The following ANKFN1 variants were observed in gnomAD, a reference collection of about 807,000 sequenced individuals.
The protein encoded by ANKFN1 is ankyrin repeat and fibronectin type III domain containing 1.
A neutral mutation model predicts 108.7 loss-of-function variants in ANKFN1; 74 were observed. That is an observed-to-expected ratio of 0.68 (90% CI 0.56 to 0.83). The LOEUF is 0.83. ANKFN1 is among the 40% of genes least tolerant of loss of function. ANKFN1 has a pLI of 0.00. For synonymous variants in ANKFN1, 547 were observed against 516.2 expected, an observed-to-expected ratio of 1.06 and a Z score of -0.81; for missense variants, 1,505 against 1,382.3, an observed-to-expected ratio of 1.09 and a Z score of -1.41.
chr17:56,110,328 T>C (rs1006108335), intron 4 of ANKFN1, among the ~76,000 whole-genome samples: 3 of 152,204 alleles, frequency 2.0e-5, no homozygotes, highest in African/African-American at 4.8e-5. Flanking sequence ...ATTTGTTTAC[T>C]TTTCGGAAAA....
chr17:56,401,224 G>T (rs907505753), intron 8 of ANKFN1, among the ~76,000 whole-genome samples: 1 of 152,058 alleles, frequency 6.6e-6, no homozygotes, highest in Non-Finnish European at 1.5e-5. Context: ...CATGAGCATG[G>T]GATGTGTTTT....
intron 3 of ANKFN1, among the ~76,000 whole-genome samples, chr17:56,232,114 T>C (rs1916781820): frequency 6.6e-6 from 1 of 152,140 alleles, no homozygotes; most frequent in Admixed American, 6.6e-5. Flanking sequence ...CCAAATATTT[T>C]GGAATCTGAT....
chr17:56,424,958 A>G (rs1486355559), intron 8 of ANKFN1, among the ~76,000 whole-genome samples: 2 of 152,200 alleles, frequency 1.3e-5, no homozygotes, highest in Non-Finnish European at 2.9e-5. Flanking sequence ...AGCTACATAA[A>G]TATTAAATGA....
chr17:56,302,266 G>C (rs374267976), intron 3 of ANKFN1, among the ~76,000 whole-genome samples: 2 of 152,090 alleles, frequency 1.3e-5, no homozygotes, highest in Admixed American at 1.3e-4. Flanking sequence ...GAAAAATGCC[G>C]GTAATCCCGT....
chr17:56,265,167 CAG>C (rs765787925), intron 3 of ANKFN1, among the ~76,000 whole-genome samples: 3 of 152,060 alleles, frequency 2.0e-5, no homozygotes, highest in Non-Finnish European at 4.4e-5. Context: ...TTTGGGCAAA[CAG>C]TGTTCTAGTA....
At chr17:56,308,055 G>A (rs910836383) in intron 3 of ANKFN1, among the ~76,000 whole-genome samples, 1 of 152,152 alleles carries the variant, frequency 6.6e-6, no homozygotes, top group African/African-American at 2.4e-5. Flanking sequence ...CATGGACGCA[G>A]GAAGGGGAAC....
At chr17:56,489,419 T>C (rs1240700808) in intron 18 of ANKFN1, among the ~76,000 whole-genome samples, 3 of 149,504 alleles carry the variant, frequency 2.0e-5, no homozygotes, top group African/African-American at 7.4e-5. Context: ...TAAAGTAACA[T>C]TTGTTAAAGT....
At chr17:56,312,392 C>T (rs1014426944) in intron 3 of ANKFN1, among the ~76,000 whole-genome samples, 5 of 152,142 alleles carry the variant, frequency 3.3e-5, no homozygotes, top group Non-Finnish European at 7.3e-5. Flanking sequence ...CCCAGGAGAC[C>T]TCAGGGTTAG....
At chr17:56,256,450 A>C (rs1203287840) in intron 3 of ANKFN1, among the ~76,000 whole-genome samples, 1 of 152,124 alleles carries the variant, frequency 6.6e-6, no homozygotes, top group Admixed American at 6.6e-5. Context: ...ATGGTGGAGA[A>C]TTATTTGGGG....
chr17:56,409,438 G>T (rs903026936), intron 8 of ANKFN1, among the ~76,000 whole-genome samples: 1 of 152,216 alleles, frequency 6.6e-6, no homozygotes, highest in African/African-American at 2.4e-5. Flanking sequence ...GACCCTGGAA[G>T]GTGAAGAAAG....
chr17:56,431,930 G>T (rs978186249), intron 8 of ANKFN1, among the ~76,000 whole-genome samples: 1 of 152,168 alleles, frequency 6.6e-6, no homozygotes, highest in Admixed American at 6.5e-5. Flanking sequence ...AAAATAGCTT[G>T]CTGGAGCTCT....
At chr17:56,146,701 C>A (rs1184104471) in intron 4 of ANKFN1, among the ~76,000 whole-genome samples, 2 of 152,294 alleles carry the variant, frequency 1.3e-5, no homozygotes, top group African/African-American at 4.8e-5. Flanking sequence ...CTGTATAAAG[C>A]AGGGAGGCCC....
At chr17:56,198,250 G>C (rs1913696577) in intron 1 of ANKFN1, among the ~76,000 whole-genome samples, 1 of 152,150 alleles carries the variant, frequency 6.6e-6, no homozygotes, top group Non-Finnish European at 1.5e-5. Context: ...TCTCGTATAT[G>C]GGAATAATAA....
At chr17:56,333,634 C>CT (rs1249643223) in intron 4 of ANKFN1, among the ~76,000 whole-genome samples, 1 of 151,768 alleles carries the variant, frequency 6.6e-6, no homozygotes, top group Non-Finnish European at 1.5e-5. Flanking sequence ...TGGTCCATAC[C>CT]TTTTTTTTCA....
intron 4 of ANKFN1, among the ~76,000 whole-genome samples, chr17:56,084,422 A>G (rs917477839): frequency 4.6e-5 from 7 of 151,426 alleles, no homozygotes; most frequent in Non-Finnish European, 5.9e-5. Context: ...TTTTCCCTGT[A>G]AGACACATTT....
chr17:56,439,531 C>T (rs915744858), intron 8 of ANKFN1, among the ~76,000 whole-genome samples: 1 of 151,652 alleles, frequency 6.6e-6, no homozygotes, highest in African/African-American at 2.4e-5. Flanking sequence ...TAGAAATAAA[C>T]ATTCACCTTG....
chr17:56,212,532 A>G lies in ANKFN1; in HGVS notation c.-70-66A>G, dbSNP rs72832000. Reference sequence around the variant, plus strand: ...TGCTATGTTATTTTCTGGTTTTGATATTAGGGTGATACCGGTTTCATACAG... The same window carrying G: ...TGCTATGTTATTTTCTGGTTTTGATGTTAGGGTGATACCGGTTTCATACAG... On this transcript the variant is annotated intron_variant, in intron 1 of 20. Coordinates refer to ENST00000682825, the MANE Select transcript of ANKFN1 (RefSeq NM_001370326.1). Among the ~76,000 whole-genome samples, 1,287 of 152,238 alleles carry G rather than the reference A, an allele frequency of 8.5e-3. 11 individuals are homozygous for G. Among genetic ancestry groups the G allele is most frequent in the Middle Eastern group, 0.02 (6 of 294 alleles).
chr17:56,493,375 G>T (rs555838732), intron 19 of ANKFN1, among the ~76,000 whole-genome samples: 1 of 152,244 alleles, frequency 6.6e-6, no homozygotes, highest in South Asian at 2.1e-4. Flanking sequence ...TGGCCTACAA[G>T]GATAGGTTAG....
intron 1 of ANKFN1, among the ~76,000 whole-genome samples, chr17:56,207,738 C>T (rs115432312): frequency 3.2e-4 from 48 of 152,258 alleles, no homozygotes; most frequent in African/African-American, 1.1e-3. Context: ...GATCATAGCA[C>T]CTCTCTCCTT....
Sources: allele counts gnomAD v4.1 joint callset (sites outside exome capture counted in the v4.1 genomes callset), GRCh38; gene constraint gnomAD v4.1.1; transcripts MANE v1.5; gene names NCBI Gene and HGNC (gene_info 2026-07-23, HGNC 2026-07-21).